DAB1: variants seen among roughly 807,000 people sequenced by gnomAD.
The protein encoded by DAB1 is disabled homolog 1.
Under a neutral mutation model 64.6 loss-of-function variants are expected in DAB1, and 15 were observed. The observed-to-expected ratio is 0.23, with a 90% CI of 0.16 to 0.36. DAB1 has a LOEUF of 0.36. Ranked by LOEUF, DAB1 falls within the 10% of genes least tolerant of loss-of-function variation. DAB1 has a pLI of 1.00. For missense variants in DAB1, 596 were observed against 706.7 expected (o/e 0.84, Z 1.78); for synonymous variants, 235 against 251.9 (o/e 0.93, Z 0.64).
chr1:58,289,738 T>C (rs1191307804), intron 4 of DAB1, among the ~76,000 whole-genome samples: 1 of 152,218 alleles, frequency 6.6e-6, no homozygotes, highest in Non-Finnish European at 1.5e-5. Context: ...AGTTAATTCA[T>C]GGAGGCAGAT....
At position 58,220,890 on chromosome 1, in the gene DAB1, CAT is replaced by C. The variant is rs33948834; in HGVS notation, n.310-70304_310-70303del. Among the ~76,000 whole-genome samples the C allele has an allele frequency of 1.6e-4, 22 of 139,766 alleles. No homozygotes were observed. The East Asian group carries it at 5.0e-3, about 31-fold the overall frequency. The allele number at this position is 139,766 out of a possible 152,430, so 91.7% of individuals were successfully genotyped here. A position where few individuals can be genotyped will look rare whatever the true frequency, so the allele number is the denominator to read the frequency against. ...ACATATATACACACACACACACACA[CAT>C]ATATATATTATCAATGTGAATACAT... On this transcript the variant is annotated intron_variant and non_coding_transcript_variant, in intron 4 of 20. Coordinates refer to the DAB1 transcript ENST00000485760.
At chr1:57,595,831 G>A (rs1046783452) in intron 7 of DAB1, among the ~76,000 whole-genome samples, 3 of 151,986 alleles carry the variant, frequency 2.0e-5, no homozygotes, top group Admixed American at 6.6e-5. Context: ...CTCCTCCTCC[G>A]GCCATGTAGG....
chr1:57,819,562 A>G (rs1184500573), intron 6 of DAB1, among the ~76,000 whole-genome samples: 1 of 152,232 alleles, frequency 6.6e-6, no homozygotes, highest in Non-Finnish European at 1.5e-5. Context: ...AGAATCAAGA[A>G]CAAGTTAAGA....
intron 1 of DAB1, chr1:57,307,424 G>C (rs1045579892): frequency 3.9e-5 from 6 of 152,770 alleles, no homozygotes; most frequent in Non-Finnish European, 7.3e-5. Context: ...CCTCTTGCTA[G>C]TAGGTGAGTT....
intron 2 of DAB1, among the ~76,000 whole-genome samples, chr1:57,261,143 C>G (rs1049237995): frequency 6.6e-6 from 1 of 152,068 alleles, no homozygotes; most frequent in Admixed American, 6.5e-5. Flanking sequence ...TACACACTGA[C>G]AAACCCCAGC....
At chr1:57,479,096 A>T (rs1643978603) in intron 7 of DAB1, among the ~76,000 whole-genome samples, 1 of 152,222 alleles carries the variant, frequency 6.6e-6, no homozygotes, top group Non-Finnish European at 1.5e-5. Context: ...TTACAAAAAA[A>T]AAACTTTTCT....
At chr1:58,140,303 A>G (rs1654205989) in intron 5 of DAB1, among the ~76,000 whole-genome samples, 1 of 152,200 alleles carries the variant, frequency 6.6e-6, no homozygotes, top group Admixed American at 6.5e-5. Context: ...GACATCAAAG[A>G]GAAAGTGCTA....
At chr1:57,564,054 C>T (rs1645086665) in intron 7 of DAB1, among the ~76,000 whole-genome samples, 1 of 152,204 alleles carries the variant, frequency 6.6e-6, no homozygotes, top group South Asian at 2.1e-4. Flanking sequence ...GGCAGACTGA[C>T]ACCCACATGG....
chr1:57,826,775 T>A (rs1652368558), intron 1 of DAB1, among the ~76,000 whole-genome samples: 1 of 152,204 alleles, frequency 6.6e-6, no homozygotes, highest in East Asian at 1.9e-4. Context: ...TCAAGCTTTG[T>A]CCTCCTGGAA....
intron 5 of DAB1, among the ~76,000 whole-genome samples, chr1:57,980,676 T>C (rs1646043422): frequency 6.6e-6 from 1 of 152,136 alleles, no homozygotes; most frequent in African/African-American, 2.4e-5. Flanking sequence ...TGCTTCTCTT[T>C]CCATTCCTGA....
At chr1:58,374,047 T>C (rs11207210) in intron 3 of DAB1, among the ~76,000 whole-genome samples, 2,478 of 50,384 alleles carry the variant, frequency 0.049, 553 homozygotes, top group African/African-American at 0.15. Flanking sequence ...TCTTGTAAAT[T>C]TGTTTGAGTT....
At chr1:57,315,727 C>A (rs1182616206) in intron 1 of DAB1, among the ~76,000 whole-genome samples, 1 of 152,264 alleles carries the variant, frequency 6.6e-6, no homozygotes, top group East Asian at 1.9e-4. Context: ...TGGTCTCGAT[C>A]TCCTGACCTC....
At chr1:57,553,095 T>C (rs906327095) in intron 7 of DAB1, among the ~76,000 whole-genome samples, 20 of 151,660 alleles carry the variant, frequency 1.3e-4, no homozygotes, top group Admixed American at 1.3e-3. Context: ...CAGATTGGGG[T>C]GGCAAGCATA....
intron 1 of DAB1, among the ~76,000 whole-genome samples, chr1:57,408,318 C>T (rs1015580965): frequency 1.3e-5 from 2 of 152,056 alleles, no homozygotes; most frequent in Non-Finnish European, 2.9e-5. Flanking sequence ...TATACTACAC[C>T]ACATTTATCT....
chr1:58,126,468 T>A lies in DAB1; in HGVS notation n.387+24043A>T, dbSNP rs1431313217. ...TTTTCTTTTTTTCTTTTTTTTTTTT[T>A]ATTATACTTTAAGTTTTAGGGTACA... On this transcript the variant is annotated intron_variant and non_coding_transcript_variant, in intron 5 of 20. Transcript: ENST00000485760. 2.7e-5 allele frequency among the ~76,000 whole-genome samples: 4 copies of A among 147,656 alleles called. 1 individual carries two copies. The highest frequency in any genetic ancestry group is 4.4e-4 in the South Asian group (2 of 4,594).
intron 6 of DAB1, among the ~76,000 whole-genome samples, chr1:57,795,773 A>T (rs1650831728): frequency 1.4e-5 from 2 of 138,766 alleles, no homozygotes; most frequent in African/African-American, 5.4e-5. Flanking sequence ...TAGTGGGAGA[A>T]ATACTAGTTT....
intron 9 of DAB1, among the ~76,000 whole-genome samples, chr1:57,030,869 G>A (rs546421687): frequency 4.6e-5 from 7 of 152,206 alleles, no homozygotes; most frequent in Non-Finnish European, 1.0e-4. Context: ...AAGCTTCTGG[G>A]CTTCTTTGAG....
At chr1:57,320,927 T>C (rs1442009061) in intron 1 of DAB1, among the ~76,000 whole-genome samples, 1 of 152,228 alleles carries the variant, frequency 6.6e-6, no homozygotes, top group Admixed American at 6.5e-5. Flanking sequence ...GCAGTCTGAC[T>C]ACACAGTCCT....
chr1:57,054,065 T>C (rs374193217), intron 9 of DAB1, among the ~76,000 whole-genome samples: 1 of 152,186 alleles, frequency 6.6e-6, no homozygotes, highest in Non-Finnish European at 1.5e-5. Context: ...GAAAGTCTTT[T>C]ATGCCTAATA....
Sources: gnomAD v4.1 joint callset for allele counts (sites outside exome capture counted in the v4.1 genomes callset) on GRCh38, gnomAD v4.1.1 for gene constraint, MANE v1.5 for transcripts, NCBI Gene and HGNC (gene_info 2026-07-23, HGNC 2026-07-21) for gene names.